RTKN2: variants seen among roughly 807,000 people sequenced by gnomAD.
RTKN2 encodes the protein rhotekin 2.
A neutral mutation model predicts 71.5 loss-of-function variants in RTKN2; 69 were observed. The ratio of observed to expected loss-of-function variants is 0.96; its 90% CI spans 0.79 to 1.18. The LOEUF (loss-of-function observed/expected upper bound fraction) is 1.18. Ranked by LOEUF, RTKN2 falls within the 50% of genes most tolerant of loss-of-function variation. The probability of loss-of-function intolerance (pLI) is 0.00; values close to 1 mark genes in which losing one functional copy is unlikely to be tolerated. For synonymous variants in RTKN2, 236 were observed against 236.5 expected (o/e 1.00, Z 0.02); for missense variants, 724 against 719.7 (o/e 1.01, Z -0.07).
At chr10:62,206,432 T>C (rs1841550660) in intron 9 of RTKN2, among the ~76,000 whole-genome samples, 1 of 152,084 alleles carries the variant, frequency 6.6e-6, no homozygotes, top group Non-Finnish European at 1.5e-5. Context: ...ATCCATTCCC[T>C]GAAAAATGGA....
intron 3 of RTKN2, among the ~76,000 whole-genome samples, chr10:62,242,422 A>C (rs934013150): frequency 6.6e-6 from 1 of 152,016 alleles, no homozygotes; most frequent in South Asian, 2.1e-4. Flanking sequence ...TGAATAATTA[A>C]TATTTTTGTT....
intron 7 of RTKN2, among the ~76,000 whole-genome samples, chr10:62,222,133 G>A (rs1353079792): frequency 6.6e-6 from 1 of 152,150 alleles, no homozygotes; most frequent in African/African-American, 2.4e-5. Flanking sequence ...TCTTGAGACA[G>A]GGTCTCACTC....
chr10:62,222,527 C>T (rs1392254173), intron 7 of RTKN2, among the ~76,000 whole-genome samples: 3 of 152,110 alleles, frequency 2.0e-5, no homozygotes, highest in Non-Finnish European at 4.4e-5. Context: ...CTTATCAGTA[C>T]AGAGCCACAA....
intron 11 of RTKN2, among the ~76,000 whole-genome samples, chr10:62,198,924 T>G (rs1286661832): frequency 1.3e-5 from 2 of 152,164 alleles, no homozygotes; most frequent in Non-Finnish European, 2.9e-5. Flanking sequence ...TATTCTTTCC[T>G]GTAGACCAGC....
chr10:62,195,813 G>T lies in RTKN2; in HGVS notation c.*2095C>A. ...AGAAAGAGACCGAATAATTTGGTGG[G>T]GAGGGGGTGGTGGTCCTTGCTCAGG... is the stretch of plus-strand genomic sequence containing the variant. On this transcript the variant is annotated 3_prime_UTR_variant, in exon 12 of 12. Coordinates refer to ENST00000373789, the MANE Select transcript of RTKN2 (RefSeq NM_145307.4). 1.0e-6 allele frequency: 1 copy of T among 985,552 alleles called. No homozygotes were observed. The highest frequency in any genetic ancestry group is 1.2e-6 in the Non-Finnish European group (1 of 830,066). 61.1% of individuals were successfully genotyped at this position (985,552 alleles called of 1,614,324 possible).
In RTKN2 at chr10:62,194,428, T is replaced by C. The variant is rs953536519; in HGVS notation, c.*3480A>G. The C allele has an allele frequency of 7.3e-5, 71 of 978,338 alleles. No homozygotes were observed. The highest frequency in any genetic ancestry group is 8.4e-5 in the Non-Finnish European group (69 of 823,590). 60.6% of individuals were successfully genotyped at this position (978,338 alleles called of 1,614,324 possible). ...TATAATTTAAGACTAACAGTGAAGA[T>C]GGCTACTAGAATATAAATGGTCATC... On this transcript the variant is annotated 3_prime_UTR_variant, in exon 12 of 12. Transcript: ENST00000373789.
intron 8 of RTKN2, among the ~76,000 whole-genome samples, chr10:62,184,713 A>G (rs1471033578): frequency 5.3e-5 from 8 of 152,214 alleles, no homozygotes; most frequent in African/African-American, 1.7e-4. Flanking sequence ...GTCTAATTGA[A>G]TAAGTACTGC....
chr10:62,263,844 T>C (rs1321842348), intron 1 of RTKN2, among the ~76,000 whole-genome samples: 1 of 152,198 alleles, frequency 6.6e-6, no homozygotes, highest in African/African-American at 2.4e-5. Context: ...AGTATTTTAT[T>C]GCTGAAAGTC....
chr10:62,231,698 A>C (rs944828154), intron 6 of RTKN2, among the ~76,000 whole-genome samples: 1 of 152,194 alleles, frequency 6.6e-6, no homozygotes, highest in Non-Finnish European at 1.5e-5. Flanking sequence ...ATTAAAAAAA[A>C]ATGGCTTAAA....
At chr10:62,240,204 C>T (rs547068154) in intron 4 of RTKN2, among the ~76,000 whole-genome samples, 17 of 150,168 alleles carry the variant, frequency 1.1e-4, no homozygotes, top group African/African-American at 3.2e-4. Flanking sequence ...GGCACATTAA[C>T]GACAGCAAAA....
chr10:62,245,663 G>C (rs1429762370), intron 3 of RTKN2, among the ~76,000 whole-genome samples: 2 of 152,096 alleles, frequency 1.3e-5, no homozygotes, highest in Non-Finnish European at 2.9e-5. Flanking sequence ...TATAGCTTCT[G>C]AGCAGGAAAG....
At chr10:62,252,194 TAAAG>T (rs1050689630) in intron 2 of RTKN2, among the ~76,000 whole-genome samples, 7 of 152,036 alleles carry the variant, frequency 4.6e-5, no homozygotes, top group Non-Finnish European at 7.4e-5. Context: ...GACTTTAAGA[TAAAG>T]AAAAGTACTT....
chr10:62,261,712 T>A (rs1016375148), intron 2 of RTKN2, among the ~76,000 whole-genome samples: 5 of 152,170 alleles, frequency 3.3e-5, no homozygotes, highest in Admixed American at 3.3e-4. Context: ...GGTTGGCTAC[T>A]TTGTATCCAG....
At chr10:62,240,399 A>G (rs1211066287) in intron 4 of RTKN2, among the ~76,000 whole-genome samples, 1 of 152,154 alleles carries the variant, frequency 6.6e-6, no homozygotes, top group Admixed American at 6.5e-5. Flanking sequence ...CTTCAGAAAA[A>G]CTTACTCTCT....
At position 62,236,169 on chromosome 10, in the gene RTKN2, T is replaced by C. The variant is rs759868940; in HGVS notation, c.583A>G (p.Lys195Glu). 1 of 1,611,842 alleles carries C rather than the reference T, an allele frequency of 6.2e-7. No individual in the cohort carries two copies. The highest frequency in any genetic ancestry group is 1.7e-5 in the Admixed American group (1 of 59,854). The change falls in exon 6 of 12, where the codon AAG becomes GAG. Residue 195 changes from lysine (K) to glutamate (E), a missense_variant. Transcript: ENST00000373789. Reference sequence around the variant, plus strand: ...TTACTTATAGATGTCTTGAGTTTCTTAGCTAGCTTTTTTGGTGTGTTGGTT... The same window carrying C: ...TTACTTATAGATGTCTTGAGTTTCTCAGCTAGCTTTTTTGGTGTGTTGGTT... Reference protein sequence around the residue: ...SITNTPKKLAKKLKTSISKAT... With the variant: ...SITNTPKKLAEKLKTSISKAT...
At chr10:62,223,531 T>C (rs1052437150) in intron 6 of RTKN2, among the ~76,000 whole-genome samples, 199 bp from the exon 7 acceptor site, 13 of 152,168 alleles carry the variant, frequency 8.5e-5, no homozygotes, top group African/African-American at 2.7e-4. Flanking sequence ...GAGAAATGTC[T>C]ATTTCTCTTT....
chr10:62,185,657 T>C (rs1032914632), intron 8 of RTKN2, among the ~76,000 whole-genome samples: 2 of 152,048 alleles, frequency 1.3e-5, no homozygotes, highest in Non-Finnish European at 2.9e-5. Flanking sequence ...ATTGACTCAG[T>C]TTCAAATCAT....
intron 1 of RTKN2, among the ~76,000 whole-genome samples, chr10:62,264,754 C>T (rs765551105): frequency 1.1e-4 from 16 of 152,050 alleles, no homozygotes; most frequent in Non-Finnish European, 2.1e-4. Context: ...TCATCTGAGG[C>T]AGAGAGGAAG....
At chr10:62,188,391 T>C (rs139545448), downstream of RTKN2, among the ~76,000 whole-genome samples, 89 of 152,338 alleles carry the variant, frequency 5.8e-4, no homozygotes, top group African/African-American at 2.0e-3. Flanking sequence ...TATCTTCTTA[T>C]GACCTAGCCT....
Sources: gnomAD v4.1 joint callset for allele counts (sites outside exome capture counted in the v4.1 genomes callset) on GRCh38, gnomAD v4.1.1 for gene constraint, MANE v1.5 for transcripts, NCBI Gene and HGNC (gene_info 2026-07-23, HGNC 2026-07-21) for gene names.